Variants in SOST observed in about 807,000 individuals in gnomAD.
SOST encodes sclerosteosis.
A neutral mutation model predicts 16.7 loss-of-function variants in SOST; 14 were observed. The ratio of observed to expected loss-of-function variants is 0.84; its 90% CI spans 0.55 to 1.31. The LOEUF (loss-of-function observed/expected upper bound fraction) is 1.31. Among genes scored for constraint, SOST ranks in the 50% most tolerant of loss-of-function variants. SOST has a pLI of 0.00. For missense variants in SOST, 291 were observed against 310.7 expected (o/e 0.94, Z 0.48); for synonymous variants, 150 against 140.9 (o/e 1.06, Z -0.46).
In SOST at chr17:43,758,601, T is replaced by C. The variant is rs748431546; in HGVS notation, c.141A>G (p.Pro47=). 3 of 1,614,174 alleles carry C rather than the reference T, an allele frequency of 1.9e-6. No individual in the cohort carries two copies. The South Asian group carries it at 3.3e-5, about 18-fold the overall frequency. The stretch of plus-strand genomic sequence containing the variant: ...TGGTCTTGTTGTTCTCCAGCTCCGG[T>C]GGAGGCTCGGGGTACTCTCCGAGCT... ...IPELGEYPEP[P]PELENNKTMN... is the part of the protein sequence containing the mutation. Residue 47 remains proline (P), a synonymous_variant, in exon 1 of 2, where the codon CCA becomes CCG. Transcript: ENST00000301691.
Position 43,755,372 on chromosome 17 carries a change from G to T in SOST, c.612C>A (p.Ala204=). The T allele has an allele frequency of 6.3e-7, 1 of 1,587,856 alleles. No individual in the cohort carries two copies. Among genetic ancestry groups the T allele is most frequent in the Non-Finnish European group, 8.5e-7 (1 of 1,175,750 alleles). Reference sequence around the variant, plus strand: ...AGGCGTTCTCCAGCTCGGCCTGGTTGGCTTTGGCGCTCCGGGCGCGGGGCC... The same window carrying T: ...AGGCGTTCTCCAGCTCGGCCTGGTTTGCTTTGGCGCTCCGGGCGCGGGGCC... The part of the protein sequence containing the change: ...KPRPRARSAK[A]NQAELENAY Residue 204 remains alanine, a synonymous_variant, in exon 2 of 2, where the codon GCC becomes GCA. Transcript: ENST00000301691. This position sits in a 1 kb window ranked among gnomAD's most constrained non-coding sequence, Gnocchi z 4.3.
At chr17:43,758,131 G>A (rs1376039197) in intron 1 of SOST, among the ~76,000 whole-genome samples, 1 of 152,166 alleles carries the variant, frequency 6.6e-6, no homozygotes, top group East Asian at 1.9e-4. Context: ...CTGTTCTGTG[G>A]ATGGGAGGCT....
Position 43,758,729 on chromosome 17 carries a change from G to C in SOST, c.13C>G (p.Leu5Val), listed in dbSNP as rs1974161107. The C allele has an allele frequency of 1.2e-6, 2 of 1,613,056 alleles. No homozygotes were observed. Among genetic ancestry groups the C allele is most frequent in the African/African-American group, 1.3e-5 (1 of 74,912 alleles). MQLP[L>V]ALCLVCLLVH... ...AGCAGGCAGACGAGACACAGGGCCA[G>C]TGGGAGCTGCATGGTACCAGCCAGA... is the stretch of plus-strand genomic sequence containing the variant. Residue 5 changes from leucine (L) to valine (V), a missense_variant, in exon 1 of 2, where the codon CTG (leucine) becomes GTG (valine). Transcript: ENST00000301691.
chr17:43,758,664 C>T lies in SOST; in HGVS notation c.78G>A (p.Trp26Ter). 6.2e-7 allele frequency: 1 copy of T among 1,614,164 alleles called. No individual in the cohort carries two copies. The highest frequency in any genetic ancestry group is 8.5e-7 in the Non-Finnish European group (1 of 1,180,028). The change falls in exon 1 of 2, where the codon TGG becomes TGA. Residue 26 changes from tryptophan (W) to a stop codon, truncating the protein, a stop_gained. Transcript: ENST00000301691. LOFTEE classifies it high-confidence loss of function. ...CCGTGGCATCATTCTTGAACGCCTG[C>T]CACCCCTGGCCCTCCACTACACGGA... The part of the protein sequence containing the change: ...TAFRVVEGQG[W>*]QAFKNDATEI...
At chr17:43,757,274 G>A (rs1393377738) in intron 1 of SOST, among the ~76,000 whole-genome samples, 1 of 152,256 alleles carries the variant, frequency 6.6e-6, no homozygotes, top group Non-Finnish European at 1.5e-5. Flanking sequence ...AGTCCAGCAA[G>A]GTGGACATTT....
In SOST at chr17:43,758,718, A is replaced by G. The variant is rs757071365; in HGVS notation, c.24T>C (p.Cys8=). 11 of 1,613,506 alleles carry G rather than the reference A, an allele frequency of 6.8e-6. No individual in the cohort carries two copies. Among genetic ancestry groups the G allele is most frequent in the Non-Finnish European group, 6.8e-6 (8 of 1,180,038 alleles). Residue 8 remains cysteine (C), a synonymous_variant, in exon 1 of 2, where the codon TGT becomes TGC. Coordinates refer to ENST00000301691, the MANE Select transcript of SOST (RefSeq NM_025237.3). The part of the protein sequence containing the change: MQLPLAL[C]LVCLLVHTAF... ...CTGTGTGTACCAGCAGGCAGACGAGACACAGGGCCAGTGGGAGCTGCATGG... is the reference window on the plus strand; with the variant it reads ...CTGTGTGTACCAGCAGGCAGACGAGGCACAGGGCCAGTGGGAGCTGCATGG...
chr17:43,755,177 C>T lies in SOST; in HGVS notation c.*165G>A, dbSNP rs1479352654. On this transcript the variant is annotated 3_prime_UTR_variant, in exon 2 of 2. Transcript: ENST00000301691. This position sits in a 1 kb window ranked among gnomAD's most constrained non-coding sequence, Gnocchi z 4.3. The stretch of plus-strand genomic sequence containing the variant: ...AGCTGGCGGGCTGAGGGGGGCCTTG[C>T]CGGCGCCCGGGATTCCTCAGGGCCT... 1.5e-6 allele frequency: 1 copy of T among 667,364 alleles called. No individual in the cohort carries two copies. Among genetic ancestry groups the T allele is most frequent in the Middle Eastern group, 4.3e-4 (1 of 2,342 alleles). 41.3% of individuals were successfully genotyped at this position (667,364 alleles called of 1,614,324 possible). A position where few individuals can be genotyped will look rare whatever the true frequency, so the allele number is the denominator to read the frequency against.
Position 43,758,715 on chromosome 17 carries a change from G to C in SOST, c.27C>G (p.Leu9=), listed in dbSNP as rs751863307. 1 of 1,613,676 alleles carries C rather than the reference G, an allele frequency of 6.2e-7. No individual in the cohort carries two copies. The highest frequency in any genetic ancestry group is 8.5e-7 in the Non-Finnish European group (1 of 1,180,040). Residue 9 remains leucine (L), a synonymous_variant, in exon 1 of 2, where the codon CTC becomes CTG. Transcript: ENST00000301691. ...AGGCTGTGTGTACCAGCAGGCAGAC[G>C]AGACACAGGGCCAGTGGGAGCTGCA... MQLPLALC[L]VCLLVHTAFR...
In SOST at chr17:43,755,559, T is replaced by C. The variant is rs1473050965; in HGVS notation, c.425A>G (p.Gln142Arg). The change falls in exon 2 of 2, where the codon CAG becomes CGG. Residue 142 changes from glutamine to arginine, a missense_variant. Gln to Arg is a conservative substitution (Grantham distance 43, BLOSUM62 1). Transcript: ENST00000301691. The surrounding 1 kb of genome is among the most constrained non-coding windows in gnomAD (Gnocchi z 4.3). ...ACCGGGACACAGCAGCTGCACGCGC[T>C]GCGCGCGGTAGCGGTCGGGGATGCA... is the stretch of plus-strand genomic sequence containing the variant. ...FRCIPDRYRA[Q>R]RVQLLCPGGE... 2 of 1,594,480 alleles carry C rather than the reference T, an allele frequency of 1.3e-6. No homozygotes were observed. The highest frequency in any genetic ancestry group is 1.7e-6 in the Non-Finnish European group (2 of 1,176,226).
In SOST at chr17:43,758,477, C is replaced by T. The variant is rs1291587257; in HGVS notation, c.220+45G>A. On this transcript the variant is annotated intron_variant, in intron 1 of 1. Coordinates refer to ENST00000301691, the MANE Select transcript of SOST (RefSeq NM_025237.3). ...GCCTCCCAAAGAGAAGTTTCTAAAACCTCCCCAGGATCTTTTACTAAGAAT... is the reference window on the plus strand; with the variant it reads ...GCCTCCCAAAGAGAAGTTTCTAAAATCTCCCCAGGATCTTTTACTAAGAAT... 16 of 1,509,584 alleles carry T rather than the reference C, an allele frequency of 1.1e-5. No homozygotes were observed. The East Asian group carries it at 3.7e-4, about 35-fold the overall frequency. The allele number at this position is 1,509,584 out of a possible 1,614,324, so 93.5% of individuals were successfully genotyped here. A position where few individuals can be genotyped will look rare whatever the true frequency, so the allele number is the denominator to read the frequency against.
At chr17:43,758,060 T>C (rs1974149962) in intron 1 of SOST, among the ~76,000 whole-genome samples, 1 of 152,194 alleles carries the variant, frequency 6.6e-6, no homozygotes, top group African/African-American at 2.4e-5. Flanking sequence ...GATTCCATGA[T>C]GTGGGTCTGT....
At chr17:43,756,527 C>T (rs1440747024) in intron 1 of SOST, among the ~76,000 whole-genome samples, 1 of 152,178 alleles carries the variant, frequency 6.6e-6, no homozygotes, top group Non-Finnish European at 1.5e-5. Context: ...CTCCGGACTC[C>T]ACTTCCCTGG....
Position 43,754,024 on chromosome 17 carries a change from G to A in SOST, c.*1318C>T, listed in dbSNP as rs765983750. On this transcript the variant is annotated 3_prime_UTR_variant, in exon 2 of 2. Transcript: ENST00000301691. Reference sequence around the variant, plus strand: ...TTTTTTAACAATTAAAAACTACACAGAAAGTAAGAGGTTGTCTGGAAATGA... The same window carrying A: ...TTTTTTAACAATTAAAAACTACACAAAAAGTAAGAGGTTGTCTGGAAATGA... 2.6e-5 allele frequency: 4 copies of A among 151,494 alleles called. No homozygotes were observed. The highest frequency in any genetic ancestry group is 5.9e-5 in the Non-Finnish European group (4 of 67,922). 9.4% of individuals were successfully genotyped at this position (151,494 alleles called of 1,614,324 possible).
At position 43,755,528 on chromosome 17, in the gene SOST, C is replaced by T. The variant is rs527837408; in HGVS notation, c.456G>A (p.Glu152=). 1.3e-6 allele frequency: 2 copies of T among 1,596,758 alleles called. No individual in the cohort carries two copies. The highest frequency in any genetic ancestry group is 2.3e-5 in the East Asian group (1 of 44,194). Residue 152 remains glutamate (E), a synonymous_variant, in exon 2 of 2, where the codon GAG becomes GAA. Transcript: ENST00000301691. This position sits in a 1 kb window ranked among gnomAD's most constrained non-coding sequence, Gnocchi z 4.3. ...QRVQLLCPGG[E]APRARKVRLV... ...GGCGCACCTTGCGCGCGCGCGGCGCCTCACCACCGGGACACAGCAGCTGCA... is the reference window on the plus strand; with the variant it reads ...GGCGCACCTTGCGCGCGCGCGGCGCTTCACCACCGGGACACAGCAGCTGCA...
chr17:43,756,583 C>G (rs1395619097), intron 1 of SOST, among the ~76,000 whole-genome samples: 5 of 152,134 alleles, frequency 3.3e-5, no homozygotes, highest in Non-Finnish European at 7.4e-5. Flanking sequence ...GCTCTGCGTT[C>G]GAGCATCCAT....
intron 1 of SOST, among the ~76,000 whole-genome samples, chr17:43,757,953 A>G (rs1974148937): frequency 6.6e-6 from 1 of 152,162 alleles, no homozygotes; most frequent in Admixed American, 6.5e-5. Context: ...TTGCAGTTGG[A>G]TCAAACCAGG....
chr17:43,758,575 A>G lies in SOST; in HGVS notation c.167T>C (p.Met56Thr). The G allele has an allele frequency of 6.2e-7, 1 of 1,614,110 alleles. No homozygotes were observed. The highest frequency in any genetic ancestry group is 8.5e-7 in the Non-Finnish European group (1 of 1,180,012). The change falls in exon 1 of 2, where the codon ATG (methionine) becomes ACG (threonine). Residue 56 changes from methionine (M) to threonine (T), a missense_variant. Transcript: ENST00000301691. ...PPPELENNKT[M>T]NRAENGGRPP... ...CCGCCCTCCGTTCTCCGCCCGGTTC[A>G]TGGTCTTGTTGTTCTCCAGCTCCGG...
intron 1 of SOST, among the ~76,000 whole-genome samples, chr17:43,756,560 G>A (rs918349366): frequency 2.6e-5 from 4 of 152,104 alleles, no homozygotes; most frequent in Admixed American, 2.0e-4. Flanking sequence ...TTTTGGCTCC[G>A]GCAAGAGTGG....
At chr17:43,758,420 C>T in intron 1 of SOST, 102 bp downstream of exon 1, 1 of 939,544 alleles carries the variant, frequency 1.1e-6, no homozygotes, top group Non-Finnish European at 1.7e-6. Flanking sequence ...CAGAGGCCAG[C>T]AATCTTCACT....
Sources: gnomAD v4.1 joint callset for allele counts (sites outside exome capture counted in the v4.1 genomes callset) on GRCh38, gnomAD v4.1.1 for gene constraint, Gnocchi (gnomAD v3.1) non-coding constraint, MANE v1.5 for transcripts, NCBI Gene and HGNC (gene_info 2026-07-23, HGNC 2026-07-21) for gene names.